SRGAP1: variants seen among roughly 807,000 people sequenced by gnomAD.
The protein encoded by SRGAP1 is SLIT-ROBO Rho GTPase activating protein 1.
SRGAP1 carries 43 observed loss-of-function variants against 121.9 expected under a neutral mutation model. The observed-to-expected ratio is 0.35, with a 90% CI of 0.28 to 0.46. SRGAP1 has a LOEUF of 0.46. SRGAP1 is among the 20% of genes least tolerant of loss of function. The probability of loss-of-function intolerance (pLI) is 1.00; values close to 1 mark genes in which losing one functional copy is unlikely to be tolerated. For missense variants in SRGAP1, 1,102 were observed against 1,350.9 expected (o/e 0.82, Z 2.89); for synonymous variants, 447 against 485.4 (o/e 0.92, Z 1.04).
chr12:64,043,448 G>C lies in SRGAP1; in HGVS notation c.674G>C (p.Arg225Thr), dbSNP rs771343122. 1 of 1,609,430 alleles carries C rather than the reference G, an allele frequency of 6.2e-7. No individual in the cohort carries two copies. The highest frequency in any genetic ancestry group is 1.7e-5 in the Admixed American group (1 of 59,140). ...ATGCCTGGATCTTCTTCATTCCAGA[G>C]ACAAGCAAAATATTCAGAAAATAAG... is the stretch of plus-strand genomic sequence containing the variant. The part of the protein sequence containing the change: ...VKKIEKMKEK[R>T]QAKYSENKLK... Residue 225 changes from arginine (R) to threonine (T), a missense_variant and splice_region_variant, in exon 6 of 22, where the codon AGA becomes ACA. By Grantham distance (71) the Arg-to-Thr change is moderately conservative. Coordinates refer to ENST00000355086, the MANE Select transcript of SRGAP1 (RefSeq NM_020762.4).
At chr12:63,959,586 T>G (rs935461622) in intron 1 of SRGAP1, among the ~76,000 whole-genome samples, 7 of 142,550 alleles carry the variant, frequency 4.9e-5, no homozygotes, top group Admixed American at 2.0e-4. Flanking sequence ...GTGTGAGGGG[T>G]TTTTTTTAAA....
chr12:63,953,346 A>T (rs992263414), intron 1 of SRGAP1, among the ~76,000 whole-genome samples: 1 of 151,596 alleles, frequency 6.6e-6, no homozygotes, highest in Non-Finnish European at 1.5e-5. Context: ...TCACTTTTTA[A>T]AGTCTCTGCC....
chr12:63,954,688 A>AAAAAAAAAAAAAAAG (rs57230527), intron 1 of SRGAP1, among the ~76,000 whole-genome samples: 15 of 130,274 alleles, frequency 1.2e-4, no homozygotes, highest in Non-Finnish European at 1.4e-4. Context: ...AAAAAAAAAA[A>AAAAAAAAAAAAAAAG]AAAAGAAAAG....
intron 1 of SRGAP1, among the ~76,000 whole-genome samples, chr12:63,901,640 G>A (rs1427682430): frequency 2.0e-5 from 3 of 152,124 alleles, no homozygotes; most frequent in Non-Finnish European, 4.4e-5. Flanking sequence ...TTTGTTTTTA[G>A]TCATACCTCC....
At position 63,913,733 on chromosome 12, in the gene SRGAP1, C is replaced by T. The variant is rs1020091775; in HGVS notation, c.67+68850C>T. Among the ~76,000 whole-genome samples the T allele has an allele frequency of 6.6e-5, 10 of 151,518 alleles. No individual in the cohort carries two copies. The South Asian group carries it at 1.0e-3, about 16-fold the overall frequency. Reference sequence around the variant, plus strand: ...TACATGGACCACAATGTGTGTTACCCGTCGTCCATAAAATAGGCACAAAAA... The same window carrying T: ...TACATGGACCACAATGTGTGTTACCTGTCGTCCATAAAATAGGCACAAAAA... On this transcript the variant is annotated intron_variant, in intron 1 of 21. Coordinates refer to ENST00000355086, the MANE Select transcript of SRGAP1 (RefSeq NM_020762.4).
At chr12:64,136,537 G>T (rs1208154956) in intron 21 of SRGAP1, among the ~76,000 whole-genome samples, 2 of 152,042 alleles carry the variant, frequency 1.3e-5, no homozygotes, top group Non-Finnish European at 2.9e-5. Flanking sequence ...ATTAAAGATG[G>T]GTTATTTTTA....
chr12:63,954,440 A>G (rs2032393539), intron 1 of SRGAP1, among the ~76,000 whole-genome samples: 1 of 152,176 alleles, frequency 6.6e-6, no homozygotes, highest in Admixed American at 6.5e-5. Flanking sequence ...GCACTTTGGG[A>G]GGCTGAGGCG....
chr12:63,949,186 T>TATA (rs57672780), intron 1 of SRGAP1, among the ~76,000 whole-genome samples: 15 of 124,316 alleles, frequency 1.2e-4, no homozygotes, highest in African/African-American at 3.3e-4. Flanking sequence ...TCCATATATA[T>TATA]TTTTTTTTCC....
At chr12:63,987,581 G>C (rs1464517495) in intron 2 of SRGAP1, among the ~76,000 whole-genome samples, 1 of 152,142 alleles carries the variant, frequency 6.6e-6, no homozygotes, top group African/African-American at 2.4e-5. Flanking sequence ...AATTAGCCGG[G>C]CATGGTGGCA....
rs1271566826 is a variant in SRGAP1 at position 64,151,172 on chromosome 12, GA to G, written c.*8503del. On this transcript the variant is annotated 3_prime_UTR_variant, in exon 22 of 22. Coordinates refer to ENST00000355086, the MANE Select transcript of SRGAP1 (RefSeq NM_020762.4). ...AACCCATGCCTCCATTTCCCAAACA[GA>G]AATAATAATATGAACATCTTAGTAT... 2 of 151,910 alleles carry G rather than the reference GA, an allele frequency of 1.3e-5. No homozygotes were observed. The highest frequency in any genetic ancestry group is 4.8e-5 in the African/African-American group (2 of 41,372). The allele number at this position is 151,910 out of a possible 1,614,324, so 9.4% of individuals were successfully genotyped here.
intron 21 of SRGAP1, among the ~76,000 whole-genome samples, chr12:64,139,766 T>G (rs2036926958): frequency 6.6e-6 from 1 of 152,066 alleles, no homozygotes; most frequent in Non-Finnish European, 1.5e-5. Flanking sequence ...TTTGTCAATT[T>G]TGTCTTTTGT....
In SRGAP1 at chr12:64,079,031, C is replaced by A. The variant is rs752266023; in HGVS notation, c.1238C>A (p.Ser413Tyr). Residue 413 changes from serine (S) to tyrosine (Y), a missense_variant, in exon 9 of 22, where the codon TCC becomes TAC. Transcript: ENST00000355086. The stretch of plus-strand genomic sequence containing the variant: ...AGTCGTTCCACAGAATCAGTGAAGT[C>A]CACTGTCTCTGAAACCTACCTGAGT... ...QHSRSTESVK[S>Y]TVSETYLSKP... is the part of the protein sequence containing the mutation. 6.2e-7 allele frequency: 1 copy of A among 1,614,114 alleles called. No homozygotes were observed. The highest frequency in any genetic ancestry group is 8.5e-7 in the Non-Finnish European group (1 of 1,179,984).
intron 1 of SRGAP1, among the ~76,000 whole-genome samples, chr12:63,902,968 C>T (rs2030006992): frequency 6.6e-6 from 1 of 152,114 alleles, no homozygotes; most frequent in Admixed American, 6.5e-5. Context: ...CTTTATTTCT[C>T]ATCTATGTAT....
rs780510746 is a variant in SRGAP1, at chr12:63,990,060, G to A, written c.414G>A (p.Arg138=). 2 of 1,606,552 alleles carry A rather than the reference G, an allele frequency of 1.2e-6. No individual in the cohort carries two copies. The highest frequency in any genetic ancestry group is 1.7e-6 in the Non-Finnish European group (2 of 1,177,296). The change falls in exon 3 of 22, where the codon AGG becomes AGA. Residue 138 remains arginine (R), a synonymous_variant. Coordinates refer to ENST00000355086, the MANE Select transcript of SRGAP1 (RefSeq NM_020762.4). ...RFMQISEDST[R]MFKKSKEIAF... is the part of the protein sequence containing the mutation. ...TGCAGATAAGTGAGGATTCTACCAG[G>A]ATGTTTAAAAAGGTACACTCCATAA...
chr12:63,901,959 C>A (rs75678191), intron 1 of SRGAP1, among the ~76,000 whole-genome samples: 2 of 152,184 alleles, frequency 1.3e-5, no homozygotes. Flanking sequence ...GCTCACTGGA[C>A]TTGGCTTGCA....
chr12:63,991,959 A>T (rs1488680827), intron 3 of SRGAP1, among the ~76,000 whole-genome samples: 1 of 152,206 alleles, frequency 6.6e-6, no homozygotes, highest in Non-Finnish European at 1.5e-5. Context: ...AAGGCTGGAG[A>T]TCTTAACTCT....
At position 64,150,977 on chromosome 12, in the gene SRGAP1, A is replaced by G. The variant is rs1487865295; in HGVS notation, c.*8305A>G. 1 of 145,050 alleles carries G rather than the reference A, an allele frequency of 6.9e-6. No individual in the cohort carries two copies. Among genetic ancestry groups the G allele is most frequent in the Non-Finnish European group, 1.5e-5 (1 of 65,860 alleles). 9.0% of individuals were successfully genotyped at this position (145,050 alleles called of 1,614,324 possible). On this transcript the variant is annotated 3_prime_UTR_variant, in exon 22 of 22. Transcript: ENST00000355086. ...AAAAAAAAACATGGTCAAGATTTGT[A>G]ATAGAAATTGCCATTTGAATTTTGG... is the stretch of plus-strand genomic sequence containing the variant.
chr12:64,020,807 C>CACT (rs1286121905), intron 4 of SRGAP1, among the ~76,000 whole-genome samples: 1 of 139,412 alleles, frequency 7.2e-6, no homozygotes, highest in African/African-American at 2.7e-5. Flanking sequence ...TGTGCCACTG[C>CACT]ACTCCAGCTT....
intron 4 of SRGAP1, among the ~76,000 whole-genome samples, chr12:64,031,798 C>T (rs370306109): frequency 6.6e-6 from 1 of 152,146 alleles, no homozygotes; most frequent in African/African-American, 2.4e-5. Context: ...CTACACTTTT[C>T]AAAGTGCCTG....
Sources: gnomAD v4.1 joint callset for allele counts (sites outside exome capture counted in the v4.1 genomes callset) on GRCh38, gnomAD v4.1.1 for gene constraint, MANE v1.5 for transcripts, NCBI Gene and HGNC (gene_info 2026-07-23, HGNC 2026-07-21) for gene names.